Variants in SIGLEC1 observed in about 807,000 individuals in gnomAD.
SIGLEC1 encodes the protein sialic acid binding Ig like lectin 1.
A neutral mutation model predicts 148.0 loss-of-function variants in SIGLEC1; 132 were observed. The ratio of observed to expected loss-of-function variants is 0.89; its 90% CI spans 0.77 to 1.03. The LOEUF is 1.03. SIGLEC1 is among the 50% of genes least tolerant of loss of function. The probability of loss-of-function intolerance (pLI) is 0.00; values close to 1 mark genes in which losing one functional copy is unlikely to be tolerated. For missense variants in SIGLEC1, 2,253 were observed against 2,271.4 expected (o/e 0.99, Z 0.16); for synonymous variants, 945 against 969.0 (o/e 0.98, Z 0.46).
In SIGLEC1 at chr20:3,699,098, C is replaced by A. The variant is rs75918531; in HGVS notation, c.1786+104G>T. 2.5e-5 allele frequency: 34 copies of A among 1,362,656 alleles called. No individual in the cohort carries two copies. The East Asian group carries it at 8.5e-4, about 34-fold the overall frequency. The allele number at this position is 1,362,656 out of a possible 1,614,324, so 84.4% of individuals were successfully genotyped here. ...GGCCAGGTCTGTGACCCAGCCCTCCCGATATAGACCGTGGGGCAGGGCAGG... is the reference window on the plus strand; with the variant it reads ...GGCCAGGTCTGTGACCCAGCCCTCCAGATATAGACCGTGGGGCAGGGCAGG... On this transcript the variant is annotated intron_variant, in intron 8 of 21. Coordinates refer to ENST00000344754, the MANE Select transcript of SIGLEC1 (RefSeq NM_023068.4).
chr20:3,689,596 C>G lies in SIGLEC1; in HGVS notation c.4997+4G>C. 4 of 1,566,668 alleles carry G rather than the reference C, an allele frequency of 2.6e-6. No individual in the cohort carries two copies. Among genetic ancestry groups the G allele is most frequent in the Non-Finnish European group, 3.5e-6 (4 of 1,154,844 alleles). ...TTCTGGCCCACTCCCAGCTCCAGAC[C>G]CACCTCCAGGTGTAGCAGGCCCCCA... is the stretch of plus-strand genomic sequence containing the variant. On this transcript the variant is annotated splice_donor_region_variant and intron_variant, in intron 20 of 21. Transcript: ENST00000344754.
intron 7 of SIGLEC1, among the ~76,000 whole-genome samples, chr20:3,700,107 T>A (rs911982854): frequency 2.8e-4 from 1 of 3,524 alleles, no homozygotes; most frequent in Non-Finnish European, 7.1e-4. Context: ...TGTGGCCAGC[T>A]TTTTTTTTTT....
Position 3,694,497 on chromosome 20 carries a change from C to T in SIGLEC1, c.2980G>A (p.Asp994Asn), listed in dbSNP as rs1453637551. Residue 994 changes from aspartate (D) to asparagine (N), a missense_variant, in exon 13 of 22, where the codon GAC (aspartate) becomes AAC (asparagine). Physicochemically the swap from Asp to Asn is conservative, Grantham distance 23 (BLOSUM62 1). Coordinates refer to ENST00000344754, the MANE Select transcript of SIGLEC1 (RefSeq NM_023068.4). Reference sequence around the variant, plus strand: ...AGGCCCAGTCGTCCAGGGCCTGTGTCCATCAGGGTAGTGAGTGTGACGTGG... The same window carrying T: ...AGGCCCAGTCGTCCAGGGCCTGTGTTCATCAGGGTAGTGAGTGTGACGTGG... The part of the protein sequence containing the change: ...PRHVTLTTLM[D>N]TGPGRLGLLL... The T allele has an allele frequency of 2.5e-6, 4 of 1,582,584 alleles. No individual in the cohort carries two copies. In the African/African-American group the frequency reaches 5.4e-5, roughly 21 times the overall value.
In SIGLEC1 at chr20:3,696,796, C is replaced by A. The variant is rs1046716802; in HGVS notation, c.2473G>T (p.Ala825Ser). ...FICTVDSRPLALLALFHGEHL... is the reference protein window; with the variant it reads ...FICTVDSRPLSLLALFHGEHL... ...TCCCCATGGAACAAGGCCAGCAAGG[C>A]CAGGGGGCGGCTGTCCACAGTGCAG... The change falls in exon 11 of 22, where the codon GCC (alanine) becomes TCC (serine). Residue 825 changes from alanine (A) to serine (S), a missense_variant. Ala to Ser is a moderately conservative substitution (Grantham distance 99, BLOSUM62 1). Coordinates refer to ENST00000344754, the MANE Select transcript of SIGLEC1 (RefSeq NM_023068.4). 2.5e-6 allele frequency: 4 copies of A among 1,611,854 alleles called. No individual in the cohort carries two copies. The African/African-American group carries it at 5.3e-5, about 22-fold the overall frequency.
rs759581401 is a variant in SIGLEC1, at chr20:3,706,657, C to T, written c.99G>A (p.Lys33=). The change falls in exon 3 of 22, where the codon AAG becomes AAA. Residue 33 remains lysine, a synonymous_variant. Coordinates refer to ENST00000344754, the MANE Select transcript of SIGLEC1 (RefSeq NM_023068.4). ...VSSPQDVQGV[K]GSCLLIPCIF... is the part of the protein sequence containing the mutation. ...TGCAGGGGATAAGCAGGCAAGACCC[C>T]TTCACACCCTGCACGTCCTGGGGAC... The T allele has an allele frequency of 1.3e-6, 2 of 1,567,478 alleles. No individual in the cohort carries two copies. The highest frequency in any genetic ancestry group is 1.2e-5 in the South Asian group (1 of 85,984).
chr20:3,694,612 C>G, intron 12 of SIGLEC1, 51 bp downstream of exon 12: 2 of 1,578,362 alleles, frequency 1.3e-6, no homozygotes. Context: ...CAGCCCAGGA[C>G]TGGGGGACTG....
Position 3,701,622 on chromosome 20 carries a change from G to A in SIGLEC1, c.1248C>T (p.Val416=), listed in dbSNP as rs1200270229. Residue 416 remains valine, a synonymous_variant, in exon 7 of 22, where the codon GTC becomes GTT. Coordinates refer to ENST00000344754, the MANE Select transcript of SIGLEC1 (RefSeq NM_023068.4). Reference sequence around the variant, plus strand: ...CCTGGGTCTCCAGGAAGGCTGTCAGGACTGGAGTGAGAGGCGGGTCTGTGT... The same window carrying A: ...CCTGGGTCTCCAGGAAGGCTGTCAGAACTGGAGTGAGAGGCGGGTCTGTGT... ...VVVNHPPLTP[V]LTAFLETQAG... is the part of the protein sequence containing the mutation. 6.3e-7 allele frequency: 1 copy of A among 1,576,626 alleles called. No homozygotes were observed. Among genetic ancestry groups the A allele is most frequent in the Non-Finnish European group, 8.6e-7 (1 of 1,156,556 alleles).
In SIGLEC1 at chr20:3,706,719, C is replaced by T. The variant is rs377051595; in HGVS notation, c.50-13G>A. ...CATGAGGCCTGGCCTGGGGGAAGAACGGCAGGGGGACAGAGGGGAGGGTGA... is the reference window on the plus strand; with the variant it reads ...CATGAGGCCTGGCCTGGGGGAAGAATGGCAGGGGGACAGAGGGGAGGGTGA... On this transcript the variant is annotated splice_polypyrimidine_tract_variant and intron_variant, in intron 2 of 21. Transcript: ENST00000344754. The T allele has an allele frequency of 3.5e-5, 54 of 1,528,586 alleles. No homozygotes were observed. The highest frequency in any genetic ancestry group is 6.0e-5 in the Admixed American group (3 of 50,354). 94.7% of individuals were successfully genotyped at this position (1,528,586 alleles called of 1,614,324 possible).
In SIGLEC1 at chr20:3,697,167, T is replaced by C. The variant is rs1409145685; in HGVS notation, c.2298A>G (p.Arg766=). ...GGCAGGCGTAAAGGGCAGCATCAGT[T>C]CTGGCCACGGGCAGCAGTGTCACGG... is the stretch of plus-strand genomic sequence containing the variant. The part of the protein sequence containing the change: ...LETVTLLPVA[R]TDAALYACRI... Residue 766 remains arginine (R), a synonymous_variant, in exon 10 of 22, where the codon AGA becomes AGG. Coordinates refer to ENST00000344754, the MANE Select transcript of SIGLEC1 (RefSeq NM_023068.4). 1 of 1,613,754 alleles carries C rather than the reference T, an allele frequency of 6.2e-7. No homozygotes were observed. Among genetic ancestry groups the C allele is most frequent in the Non-Finnish European group, 8.5e-7 (1 of 1,180,028 alleles).
Position 3,707,138 on chromosome 20 carries a change from T to C in SIGLEC1, c.-10A>G, listed in dbSNP as rs747046890. 19 of 1,613,896 alleles carry C rather than the reference T, an allele frequency of 1.2e-5. No individual in the cohort carries two copies. Among genetic ancestry groups the C allele is most frequent in the Non-Finnish European group, 1.6e-5 (19 of 1,179,842 alleles). Reference sequence around the variant, plus strand: ...TGGGCAAGAAGCCCATAGCAGGTTCTTGTGCTGCTCCTGTTGCCTAAGAGG... The same window carrying C: ...TGGGCAAGAAGCCCATAGCAGGTTCCTGTGCTGCTCCTGTTGCCTAAGAGG... On this transcript the variant is annotated 5_prime_UTR_variant, in exon 2 of 22. Coordinates refer to ENST00000344754, the MANE Select transcript of SIGLEC1 (RefSeq NM_023068.4).
At position 3,697,905 on chromosome 20, in the gene SIGLEC1, A is replaced by G. The variant is rs1056186802; in HGVS notation, c.2015T>C (p.Leu672Pro). 2.5e-6 allele frequency: 4 copies of G among 1,613,130 alleles called. No homozygotes were observed. Among genetic ancestry groups the G allele is most frequent in the Non-Finnish European group, 3.4e-6 (4 of 1,179,970 alleles). Residue 672 changes from leucine (L) to proline (P), a missense_variant, in exon 9 of 22, where the codon CTG (leucine) becomes CCG (proline). Transcript: ENST00000344754. ...RMKVTKAPNL[L>P]RVEIHNPLLE... ...CAAAGGGTTGTGAATCTCCACACGC[A>G]GCAAGTTGGGGGCTTTGGTGACCTT...
rs1201220971 is a variant in SIGLEC1, at chr20:3,692,113, G to A, written c.4120C>T (p.Pro1374Ser). 3 of 1,607,010 alleles carry A rather than the reference G, an allele frequency of 1.9e-6. No individual in the cohort carries two copies. The highest frequency in any genetic ancestry group is 4.5e-5 in the East Asian group (2 of 44,812). ...TCATGAGATAGGGCCAGCTCAGCAG[G>A]TGGCTCACTGTCCACAGTGCACTGT... Reference protein sequence around the residue: ...VIQCTVDSEPPAELALSHDGK... With the variant: ...VIQCTVDSEPSAELALSHDGK... The change falls in exon 17 of 22, where the codon CCT becomes TCT. Residue 1374 changes from proline to serine, a missense_variant. By Grantham distance (74) the Pro-to-Ser change is moderately conservative. Transcript: ENST00000344754.
At position 3,706,671 on chromosome 20, in the gene SIGLEC1, C is replaced by A. The variant is rs368530704; in HGVS notation, c.85G>T (p.Val29Leu). Residue 29 changes from valine to leucine, a missense_variant, in exon 3 of 22, where the codon GTG becomes TTG. Coordinates refer to ENST00000344754, the MANE Select transcript of SIGLEC1 (RefSeq NM_023068.4). ...ASWGVSSPQD[V>L]QGVKGSCLLI... ...AGGCAAGACCCCTTCACACCCTGCA[C>A]GTCCTGGGGACTGGAGACGCCCCAT... The A allele has an allele frequency of 1.9e-6, 3 of 1,557,342 alleles. No homozygotes were observed. Among genetic ancestry groups the A allele is most frequent in the Non-Finnish European group, 2.6e-6 (3 of 1,150,210 alleles).
In SIGLEC1 at chr20:3,689,661, G is replaced by T; in HGVS notation, c.4936C>A (p.Leu1646Met). ...AGCAGGAGGCCCACCAGCAGTCCCA[G>T]GACCCAGAGCAGCTGCTGGAACTGA... ...LHQFQQLLWV[L>M]GLLVGLLLLL... Residue 1646 changes from leucine to methionine, a missense_variant, in exon 20 of 22, where the codon CTG becomes ATG. Leu to Met is a conservative substitution (Grantham distance 15). Coordinates refer to ENST00000344754, the MANE Select transcript of SIGLEC1 (RefSeq NM_023068.4). 1 of 1,590,612 alleles carries T rather than the reference G, an allele frequency of 6.3e-7. No individual in the cohort carries two copies. The highest frequency in any genetic ancestry group is 2.3e-5 in the East Asian group (1 of 44,056).
At position 3,699,277 on chromosome 20, in the gene SIGLEC1, CG is replaced by C; in HGVS notation, c.1710del (p.Gly571AlafsTer93). 1 of 1,609,112 alleles carries C rather than the reference CG, an allele frequency of 6.2e-7. No homozygotes were observed. Among genetic ancestry groups the C allele is most frequent in the Non-Finnish European group, 8.5e-7 (1 of 1,178,534 alleles). On this transcript the variant is annotated frameshift_variant, in exon 8 of 22. Coordinates refer to ENST00000344754, the MANE Select transcript of SIGLEC1 (RefSeq NM_023068.4). LOFTEE classifies it high-confidence loss of function. ...LLLPAASSTDAGSYHCRARDG... is the reference protein window; with the variant it reads ...LLLPAASSTDXGSYHCRARDG... ...TCCCGGGCCCGGCAGTGGTATGAGC[CG>C]GCGTCAGTGCTGGAGGCCGCGGGGA...
In SIGLEC1 at chr20:3,687,259, G is replaced by C. The variant is rs1345900786; in HGVS notation, c.*1301C>G. ...CTAGCCCACTCAAGAGCTCTCTCCT[G>C]TTGGTCCCTGATTCGCAGGGGCACG... On this transcript the variant is annotated 3_prime_UTR_variant, in exon 22 of 22. Transcript: ENST00000344754. 6.6e-6 allele frequency: 1 copy of C among 152,290 alleles called. No individual in the cohort carries two copies. The highest frequency in any genetic ancestry group is 1.5e-5 in the Non-Finnish European group (1 of 68,068). 9.4% of individuals were successfully genotyped at this position (152,290 alleles called of 1,614,324 possible).
Position 3,710,938 on chromosome 20 carries a change from A to G in SIGLEC1, c.-110+1532T>C, listed in dbSNP as rs1053392712. On this transcript the variant is annotated intron_variant, in intron 1 of 21. Transcript: ENST00000344754. The surrounding 1 kb of genome is among the most constrained non-coding windows in gnomAD (Gnocchi z 4.6). Reference sequence around the variant, plus strand: ...TTCAGCCCAGATAACTGTTCTGGAAACAGAAAGAGCAGGGACCGCTCAGAA... The same window carrying G: ...TTCAGCCCAGATAACTGTTCTGGAAGCAGAAAGAGCAGGGACCGCTCAGAA... Among the ~76,000 whole-genome samples the G allele has an allele frequency of 6.6e-6, 1 of 152,232 alleles. No individual in the cohort carries two copies. Among genetic ancestry groups the G allele is most frequent in the African/African-American group, 2.4e-5 (1 of 41,470 alleles).
intron 1 of SIGLEC1, among the ~76,000 whole-genome samples, chr20:3,708,217 C>T (rs1039304250): frequency 6.6e-6 from 1 of 152,172 alleles, no homozygotes; most frequent in Non-Finnish European, 1.5e-5. Context: ...CAAATATGAG[C>T]TCAATGTGTG....
Position 3,688,971 on chromosome 20 carries a change from T to G in SIGLEC1, c.5070+184A>C, listed in dbSNP as rs1052894824. On this transcript the variant is annotated intron_variant, in intron 21 of 21. Transcript: ENST00000344754. ...AGCCAGCCGCCAGCTGACACAGGGA[T>G]TCCCTCTGCCCCGAGCAGAACAGGG... 7.9e-6 allele frequency: 5 copies of G among 630,464 alleles called. No homozygotes were observed. The African/African-American group carries it at 9.2e-5, about 12-fold the overall frequency. The allele number at this position is 630,464 out of a possible 1,614,324, so 39.1% of individuals were successfully genotyped here.
Sources: gnomAD v4.1 joint callset for allele counts (sites outside exome capture counted in the v4.1 genomes callset) on GRCh38, gnomAD v4.1.1 for gene constraint, Gnocchi (gnomAD v3.1) non-coding constraint, MANE v1.5 for transcripts, NCBI Gene and HGNC (gene_info 2026-07-23, HGNC 2026-07-21) for gene names.